RANBP3: variants seen among roughly 807,000 people sequenced by gnomAD.
RANBP3 encodes ran-binding protein 3.
Under a neutral mutation model 77.3 loss-of-function variants are expected in RANBP3, and 14 were observed. The ratio of observed to expected loss-of-function variants is 0.18; its 90% CI spans 0.12 to 0.28. The LOEUF (loss-of-function observed/expected upper bound fraction) is 0.28, where lower values mean the gene tolerates loss of function less well. RANBP3 is among the 10% of genes least tolerant of loss of function. RANBP3 has a pLI of 1.00. For missense variants in RANBP3, 586 were observed against 752.3 expected, an observed-to-expected ratio of 0.78 and a Z score of 2.59; for synonymous variants, 315 against 312.4, an observed-to-expected ratio of 1.01 and a Z score of -0.09.
At chr19:5,951,363 G>A (rs762523949) in intron 3 of RANBP3, 30 bp downstream of exon 3, 17 of 1,539,974 alleles carry the variant, frequency 1.1e-5, no homozygotes, top group Admixed American at 3.9e-5. Flanking sequence ...CCCCCTGGGC[G>A]GTAGGAGTGC....
intron 1 of RANBP3, among the ~76,000 whole-genome samples, chr19:5,964,539 T>C (rs1299826592): frequency 6.6e-6 from 1 of 152,130 alleles, no homozygotes; most frequent in Admixed American, 6.5e-5. Flanking sequence ...TCACACCTTA[T>C]CTGAACATAT....
intron 1 of RANBP3, among the ~76,000 whole-genome samples, chr19:5,963,618 C>A (rs1310702924): frequency 6.6e-6 from 1 of 152,146 alleles, no homozygotes; most frequent in Non-Finnish European, 1.5e-5. Flanking sequence ...ACTAGGGAGT[C>A]CCCCCCATTT....
intron 12 of RANBP3, among the ~76,000 whole-genome samples, chr19:5,923,549 CG>C (rs577793017): frequency 6.6e-6 from 1 of 152,106 alleles, no homozygotes; most frequent in Non-Finnish European, 1.5e-5. Context: ...GAGCAGTCGA[CG>C]GGGGGACAGT....
chr19:5,918,257 C>T, intron 15 of RANBP3: 3 of 614,062 alleles, frequency 4.9e-6, no homozygotes, highest in South Asian at 4.4e-5. Flanking sequence ...GCCCTGAACA[C>T]ATCACAACCC....
At chr19:5,945,636 C>A (rs147733288) in intron 3 of RANBP3, among the ~76,000 whole-genome samples, 6 of 152,194 alleles carry the variant, frequency 3.9e-5, no homozygotes, top group Non-Finnish European at 7.4e-5. Context: ...AGTGTGGTAC[C>A]GAAGCCTCCA....
rs1177266591 is a variant in RANBP3, at chr19:5,924,777, G to A, written c.996+50C>T. The A allele has an allele frequency of 1.3e-6, 2 of 1,552,910 alleles. No homozygotes were observed. The highest frequency in any genetic ancestry group is 1.7e-5 in the Admixed American group (1 of 59,932). On this transcript the variant is annotated intron_variant, in intron 11 of 16. Transcript: ENST00000340578. This position sits in a 1 kb window ranked among gnomAD's most constrained non-coding sequence, Gnocchi z 4.7. ...CTCCATGTCCCCTTGACCTGTGGCT[G>A]GCGCCGAGAGCCTCTGGTCCCTGAG...
At chr19:5,944,911 G>A (rs1249280849) in intron 3 of RANBP3, among the ~76,000 whole-genome samples, 1 of 152,156 alleles carries the variant, frequency 6.6e-6, no homozygotes, top group African/African-American at 2.4e-5. Context: ...TGGTCCTGGG[G>A]GATCTGTCCC....
intron 15 of RANBP3, 107 bp downstream of exon 15, chr19:5,918,389 C>CGGGGGGGG: frequency 1.3e-5 from 3 of 236,544 alleles, no homozygotes; most frequent in Non-Finnish European, 2.6e-5. Context: ...GCAACTGAAG[C>CGGGGGGGG]CCCTCCCCCC....
In RANBP3 at chr19:5,946,707, C is replaced by A. The variant is rs1158445765; in HGVS notation, c.282+4686G>T. 3.3e-5 allele frequency among the ~76,000 whole-genome samples: 5 copies of A among 152,304 alleles called. No individual in the cohort carries two copies. In the East Asian group the frequency reaches 9.6e-4, roughly 29 times the overall value. On this transcript the variant is annotated intron_variant, in intron 3 of 16. Transcript: ENST00000340578. ...CCCTGCACCTTGCTGGGATGGAGGG[C>A]CTCTCCTCTCAGGAGACGTTGGAAC...
chr19:5,931,473 G>A lies in RANBP3; in HGVS notation c.624C>T (p.Pro208=), dbSNP rs375073209. The A allele has an allele frequency of 1.1e-5, 17 of 1,612,838 alleles. No individual in the cohort carries two copies. The highest frequency in any genetic ancestry group is 6.7e-5 in the African/African-American group (5 of 75,044). Residue 208 remains proline (P), a synonymous_variant, in exon 8 of 17, where the codon CCC becomes CCT. Transcript: ENST00000340578. ...ATGCAGCAGTGTCAGGGGATGCTGC[G>A]GGCACTGCCCCCGTGCAGTCTGCTG... is the stretch of plus-strand genomic sequence containing the variant. ...SLPADCTGAV[P]AASPDTAAWR...
At chr19:5,935,838 T>C (rs1244157861) in intron 5 of RANBP3, 1 of 456,576 alleles carries the variant, frequency 2.2e-6, no homozygotes, top group Non-Finnish European at 4.4e-6. Flanking sequence ...AGAAATTTTC[T>C]TCTGCAACAC....
In RANBP3 at chr19:5,952,517, T is replaced by C. The variant is rs1425673499; in HGVS notation, c.79-921A>G. ...GAAATGGGTTAAACACCTGGTGTCC[T>C]AAAACAGACTCCAGTCCCCAAACCT... On this transcript the variant is annotated intron_variant, in intron 2 of 16. Transcript: ENST00000340578. This position sits in a 1 kb window ranked among gnomAD's most constrained non-coding sequence, Gnocchi z 4.1. Among the ~76,000 whole-genome samples, 3 of 152,162 alleles carry C rather than the reference T, an allele frequency of 2.0e-5. No individual in the cohort carries two copies. The highest frequency in any genetic ancestry group is 1.9e-4 in the East Asian group (1 of 5,174).
chr19:5,964,430 C>T (rs2058439566), intron 1 of RANBP3, among the ~76,000 whole-genome samples: 1 of 152,136 alleles, frequency 6.6e-6, no homozygotes, highest in Non-Finnish European at 1.5e-5. Context: ...AGATTCAATC[C>T]TAATATTCCC....
At chr19:5,954,396 C>T (rs1316323354) in intron 2 of RANBP3, among the ~76,000 whole-genome samples, 1 of 152,128 alleles carries the variant, frequency 6.6e-6, no homozygotes, top group Non-Finnish European at 1.5e-5. Flanking sequence ...ACTGAATTAA[C>T]ATTTTCGTAG....
chr19:5,917,688 G>A, intron 16 of RANBP3, 35 bp from the exon 17 acceptor site: 4 of 1,600,794 alleles, frequency 2.5e-6, no homozygotes, highest in Non-Finnish European at 3.4e-6. Flanking sequence ...TCAGGATGGA[G>A]CCCGCACTTC....
intron 1 of RANBP3, among the ~76,000 whole-genome samples, chr19:5,975,373 C>T (rs923432859): frequency 6.6e-6 from 1 of 152,088 alleles, no homozygotes; most frequent in African/African-American, 2.4e-5. Context: ...TTCAACTATC[C>T]CATTTACAAC....
chr19:5,923,629 C>T (rs377612142), intron 12 of RANBP3, among the ~76,000 whole-genome samples, 183 bp downstream of exon 12: 2 of 152,296 alleles, frequency 1.3e-5, no homozygotes, highest in East Asian at 3.9e-4. Context: ...GACACAGGCC[C>T]TCGAGTTCTT....
In RANBP3 at chr19:5,917,883, G is replaced by A. The variant is rs775468647; in HGVS notation, c.1571C>T (p.Pro524Leu). Residue 524 changes from proline (P) to leucine (L), a missense_variant, in exon 16 of 17, where the codon CCC (proline) becomes CTC (leucine). Pro to Leu is a moderately conservative substitution (Grantham distance 98). This residue lies in a region of RANBP3 where 128 missense variants were observed against 157.0 expected (regional missense o/e 0.82). Coordinates refer to ENST00000340578, the MANE Select transcript of RANBP3 (RefSeq NM_007322.3). ...TGGGGCTGCCCCAGGCTCAGGCGCG[G>A]GCATCTTGGCCTCCTGCTCCTGCTC... ...RVEQEQEAKMPAPEPGAAPSN... is the reference protein window; with the variant it reads ...RVEQEQEAKMLAPEPGAAPSN... 1.9e-6 allele frequency: 3 copies of A among 1,612,822 alleles called. No individual in the cohort carries two copies. The highest frequency in any genetic ancestry group is 2.7e-5 in the African/African-American group (2 of 75,062).
rs1365042617 is a variant in RANBP3, at chr19:5,925,592, G to A, written c.917+42C>T. On this transcript the variant is annotated intron_variant, in intron 10 of 16. Transcript: ENST00000340578. The stretch of plus-strand genomic sequence containing the variant: ...CTGGCAGAAGCCCTCGCGGCCACCT[G>A]CATCGCCATGCCAGGCTGGCCGCTG... The A allele has an allele frequency of 6.4e-7, 1 of 1,567,232 alleles. No individual in the cohort carries two copies.
Sources: gnomAD v4.1 joint callset for allele counts (sites outside exome capture counted in the v4.1 genomes callset) on GRCh38, gnomAD v4.1.1 for gene constraint, gnomAD v4.1.1 regional missense constraint, Gnocchi (gnomAD v3.1) non-coding constraint, MANE v1.5 for transcripts, NCBI Gene and HGNC (gene_info 2026-07-23, HGNC 2026-07-21) for gene names.